ROBO2: variants seen among roughly 807,000 people sequenced by gnomAD.
ROBO2 encodes roundabout guidance receptor 2, also known as roundabout homolog 2.
ROBO2 carries 53 observed loss-of-function variants against 160.8 expected under a neutral mutation model. The observed-to-expected ratio is 0.33, with a 90% CI of 0.26 to 0.41. ROBO2 has a LOEUF of 0.41. ROBO2 is among the 10% of genes least tolerant of loss of function. The pLI, the probability that ROBO2 is intolerant of heterozygous loss-of-function variation, is 1.00. For missense variants in ROBO2, 1,577 were observed against 1,722.4 expected (o/e 0.92, Z 1.49); for synonymous variants, 664 against 611.7 (o/e 1.09, Z -1.26).
intron 2 of ROBO2, among the ~76,000 whole-genome samples, chr3:76,021,646 A>G (rs2066577195): frequency 6.6e-6 from 1 of 151,908 alleles, no homozygotes; most frequent in Non-Finnish European, 1.5e-5. Context: ...TTTACATTAC[A>G]ATATAACCAG....
At chr3:77,088,536 G>T (rs1188426506) in intron 1 of ROBO2, among the ~76,000 whole-genome samples, 1 of 152,048 alleles carries the variant, frequency 6.6e-6, no homozygotes, top group Non-Finnish European at 1.5e-5. Flanking sequence ...TATTTATTCT[G>T]ATGCTATCAC....
chr3:76,872,791 C>A (rs1391236510), intron 2 of ROBO2, among the ~76,000 whole-genome samples: 2 of 151,774 alleles, frequency 1.3e-5, no homozygotes, highest in African/African-American at 4.8e-5. Context: ...ATTATTAAGA[C>A]TTTATACACC....
intron 2 of ROBO2, among the ~76,000 whole-genome samples, chr3:76,615,917 A>G (rs973357306): frequency 1.3e-5 from 2 of 152,152 alleles, no homozygotes; most frequent in Admixed American, 6.5e-5. Context: ...GAATTATCCA[A>G]TTTACAAAGC....
intron 2 of ROBO2, among the ~76,000 whole-genome samples, chr3:76,971,915 G>A (rs943363936): frequency 5.3e-5 from 8 of 152,082 alleles, no homozygotes; most frequent in South Asian, 2.1e-4. Context: ...GATCTAACCT[G>A]GCAATTAAAT....
intron 2 of ROBO2, among the ~76,000 whole-genome samples, chr3:76,578,656 G>T (rs2085465025): frequency 6.6e-6 from 1 of 151,996 alleles, no homozygotes; most frequent in African/African-American, 2.4e-5. Flanking sequence ...TCCCTTGATG[G>T]TTCTTTATTC....
chr3:77,645,201 C>T (rs2095400576), intron 25 of ROBO2, among the ~76,000 whole-genome samples: 1 of 152,036 alleles, frequency 6.6e-6, no homozygotes. Flanking sequence ...TTATCATTTT[C>T]TTTGCCTTTT....
chr3:76,680,737 A>G (rs2092539478), intron 2 of ROBO2, among the ~76,000 whole-genome samples: 1 of 152,034 alleles, frequency 6.6e-6, no homozygotes, highest in South Asian at 2.1e-4. Flanking sequence ...TGATGACCTT[A>G]TCACCATTCA....
chr3:76,361,481 G>A (rs1192935604), intron 2 of ROBO2, among the ~76,000 whole-genome samples: 3 of 151,962 alleles, frequency 2.0e-5, no homozygotes, highest in African/African-American at 7.2e-5. Context: ...TTCAAAGATG[G>A]AAATAAAATA....
intron 19 of ROBO2, among the ~76,000 whole-genome samples, chr3:77,599,110 A>G (rs1419932484): frequency 6.6e-6 from 1 of 152,154 alleles, no homozygotes; most frequent in Admixed American, 6.6e-5. Flanking sequence ...CAAGGCCAAG[A>G]CAACGTTTTT....
chr3:76,716,105 ATTACT>A (rs1302866035), intron 2 of ROBO2, among the ~76,000 whole-genome samples: 1 of 152,116 alleles, frequency 6.6e-6, no homozygotes, highest in African/African-American at 2.4e-5. Flanking sequence ...ATTTTTTGGT[ATTACT>A]TTATTCAGTT....
chr3:76,611,559 C>A (rs969106366), intron 2 of ROBO2, among the ~76,000 whole-genome samples: 1 of 151,914 alleles, frequency 6.6e-6, no homozygotes, highest in Non-Finnish European at 1.5e-5. Context: ...ATTGGCATAC[C>A]GCTGCTCATA....
chr3:76,019,641 C>T (rs1576507398), intron 2 of ROBO2, among the ~76,000 whole-genome samples: 1 of 151,740 alleles, frequency 6.6e-6, no homozygotes, highest in African/African-American at 2.4e-5. Context: ...CTCTGAAGCT[C>T]CATGCGTATC....
chr3:76,272,929 T>TA, intron 2 of ROBO2, among the ~76,000 whole-genome samples: 1 of 19,030 alleles, frequency 5.3e-5, no homozygotes, highest in East Asian at 8.4e-4. Context: ...TATATATATT[T>TA]ATATATAAAT....
intron 2 of ROBO2, among the ~76,000 whole-genome samples, chr3:77,214,330 G>A (rs2084621902): frequency 6.6e-6 from 1 of 152,132 alleles, no homozygotes; most frequent in African/African-American, 2.4e-5. Flanking sequence ...TTCCCATTAT[G>A]TAATGGCCTT....
At chr3:77,438,174 CTAGA>C (rs1007756532) in intron 2 of ROBO2, among the ~76,000 whole-genome samples, 4 of 150,994 alleles carry the variant, frequency 2.6e-5, no homozygotes, top group Non-Finnish European at 4.4e-5. Context: ...CTCTCGGCCT[CTAGA>C]TAGATAGATA....
intron 2 of ROBO2, among the ~76,000 whole-genome samples, chr3:76,608,914 C>T (rs370094214): frequency 6.6e-5 from 10 of 152,144 alleles, no homozygotes; most frequent in African/African-American, 2.4e-4. Flanking sequence ...TCTTTTTTCC[C>T]TCACCTCCTC....
In ROBO2 at chr3:76,719,759, C is replaced by T. The variant is rs1374392660; in HGVS notation, c.110-378255C>T. On this transcript the variant is annotated intron_variant, in intron 2 of 26. Transcript: ENST00000487694. ...ATTAGCTGGGTGTGGTGGTGAGCAC[C>T]TGTAGTCCCAGCTACTCAGGAGGCT... is the stretch of plus-strand genomic sequence containing the variant. Among the ~76,000 whole-genome samples, 3 of 151,958 alleles carry T rather than the reference C, an allele frequency of 2.0e-5. No individual in the cohort carries two copies. In the East Asian group the frequency reaches 5.9e-4, roughly 30 times the overall value.
intron 6 of ROBO2, among the ~76,000 whole-genome samples, chr3:77,540,498 T>G (rs893136115): frequency 6.6e-6 from 1 of 151,482 alleles, no homozygotes; most frequent in Non-Finnish European, 1.5e-5. Context: ...TGTTGTCACT[T>G]ATAAGTGGAA....
At chr3:76,580,516 T>A (rs2085633488) in intron 2 of ROBO2, among the ~76,000 whole-genome samples, 1 of 152,056 alleles carries the variant, frequency 6.6e-6, no homozygotes, top group African/African-American at 2.4e-5. Context: ...CTTACTCTAC[T>A]TTGTGAAGGC....
Sources: gnomAD v4.1 joint callset for allele counts (sites outside exome capture counted in the v4.1 genomes callset) on GRCh38, gnomAD v4.1.1 for gene constraint, MANE v1.5 for transcripts, NCBI Gene and HGNC (gene_info 2026-07-23, HGNC 2026-07-21) for gene names.